Variants in PTPRD observed in about 807,000 individuals in gnomAD.
PTPRD encodes the protein receptor-type tyrosine-protein phosphatase delta.
Under a neutral mutation model 214.5 loss-of-function variants are expected in PTPRD, and 34 were observed. That is an observed-to-expected ratio of 0.16 (90% CI 0.12 to 0.21). The LOEUF (loss-of-function observed/expected upper bound fraction) is 0.21, where lower values mean the gene tolerates loss of function less well. Among genes scored for constraint, PTPRD ranks in the 10% least tolerant of loss-of-function variants. The pLI is 1.00. For missense variants in PTPRD, 2,545 were observed against 2,398.7 expected, an observed-to-expected ratio of 1.06 and a Z score of -1.27; for synonymous variants, 1,128 against 845.7, an observed-to-expected ratio of 1.33 and a Z score of -5.79.
intron 6 of PTPRD, among the ~76,000 whole-genome samples, chr9:9,754,022 G>A (rs903683441): frequency 6.6e-6 from 1 of 151,984 alleles, no homozygotes; most frequent in African/African-American, 2.4e-5. Context: ...TTGTCTGTGT[G>A]TCTTTTTCTT....
At chr9:9,545,742 T>C (rs1409173345) in intron 8 of PTPRD, among the ~76,000 whole-genome samples, 1 of 151,798 alleles carries the variant, frequency 6.6e-6, no homozygotes, top group Non-Finnish European at 1.5e-5. Flanking sequence ...AGTTCGCTGA[T>C]GTCAGTCCTC....
rs1465893234 is a variant in PTPRD, at chr9:8,486,189, T to C, written c.2628A>G (p.Lys876=). The change falls in exon 28 of 46, where the codon AAA becomes AAG. Residue 876 remains lysine, a synonymous_variant. Transcript: ENST00000381196. ...TGTCTGTAGCTGTAAAGTGATCTTC[T>C]TTTTCAGAGAACTCAAGAGTAGTAA... The part of the protein sequence containing the change: ...EPLTTLEFSE[K]EDHFTATDIH... 6.2e-7 allele frequency: 1 copy of C among 1,614,186 alleles called. No individual in the cohort carries two copies. The highest frequency in any genetic ancestry group is 8.5e-7 in the Non-Finnish European group (1 of 1,180,016).
chr9:10,586,348 A>G (rs975120249), intron 2 of PTPRD, among the ~76,000 whole-genome samples: 3 of 152,044 alleles, frequency 2.0e-5, no homozygotes, highest in Non-Finnish European at 4.4e-5. Context: ...AAGAAAGAAT[A>G]CTAAATATAG....
chr9:10,376,767 A>AT (rs1038179467), intron 2 of PTPRD, among the ~76,000 whole-genome samples: 1 of 151,788 alleles, frequency 6.6e-6, no homozygotes, highest in Non-Finnish European at 1.5e-5. Flanking sequence ...TTTTAATTGT[A>AT]TTTTTTGTGG....
chr9:8,646,340 T>C (rs2096690366), intron 12 of PTPRD, among the ~76,000 whole-genome samples: 1 of 152,242 alleles, frequency 6.6e-6, no homozygotes. Context: ...CATCTGTGAC[T>C]ACAGCTCTTT....
At chr9:10,600,891 A>T (rs567551858) in intron 2 of PTPRD, among the ~76,000 whole-genome samples, 30 of 151,934 alleles carry the variant, frequency 2.0e-4, no homozygotes, top group African/African-American at 6.7e-4. Context: ...ATTACAAAAT[A>T]TGAGACAGCC....
chr9:9,155,030 A>C (rs2099880039), intron 10 of PTPRD, among the ~76,000 whole-genome samples: 1 of 152,202 alleles, frequency 6.6e-6, no homozygotes, highest in Non-Finnish European at 1.5e-5. Flanking sequence ...CAATATGATG[A>C]ATGCAGAAAT....
chr9:9,578,649 A>G (rs1463745499), intron 7 of PTPRD, among the ~76,000 whole-genome samples: 2 of 152,124 alleles, frequency 1.3e-5, no homozygotes, highest in Non-Finnish European at 2.9e-5. Context: ...AATAAATAGT[A>G]CTGTAATAGG....
chr9:9,745,137 G>A (rs1180731477), intron 6 of PTPRD, among the ~76,000 whole-genome samples: 3 of 151,890 alleles, frequency 2.0e-5, no homozygotes, highest in African/African-American at 4.8e-5. Flanking sequence ...TAGTTAACCA[G>A]AAGAAAAAAC....
At chr9:10,515,887 C>G (rs548666342) in intron 2 of PTPRD, among the ~76,000 whole-genome samples, 189 of 151,978 alleles carry the variant, frequency 1.2e-3, no homozygotes, top group African/African-American at 4.4e-3. Context: ...CAAGGCTCAT[C>G]CATGTTGTCA....
intron 2 of PTPRD, among the ~76,000 whole-genome samples, chr9:10,387,820 CTT>C (rs58959929): frequency 0.04 from 3,327 of 82,494 alleles, 26 homozygotes; most frequent in East Asian, 0.071. Context: ...AAGATTTTGT[CTT>C]TTTTTTTTTT....
At chr9:10,515,393 T>C (rs2049720735) in intron 2 of PTPRD, among the ~76,000 whole-genome samples, 1 of 147,536 alleles carries the variant, frequency 6.8e-6, no homozygotes, top group East Asian at 2.0e-4. Context: ...ACTTGGTCTT[T>C]TATTACCATA....
intron 7 of PTPRD, among the ~76,000 whole-genome samples, chr9:9,712,289 C>A (rs2097752256): frequency 1.3e-5 from 2 of 151,998 alleles, no homozygotes; most frequent in African/African-American, 4.8e-5. Flanking sequence ...ACCATAAGCA[C>A]AAAGAAATAA....
intron 14 of PTPRD, among the ~76,000 whole-genome samples, chr9:8,572,398 G>C (rs1169011755): frequency 6.6e-6 from 1 of 151,992 alleles, no homozygotes; most frequent in African/African-American, 2.4e-5. Context: ...TTTAACATGA[G>C]TGCAGTGACA....
intron 3 of PTPRD, among the ~76,000 whole-genome samples, chr9:10,216,760 C>T (rs143922492): frequency 4.6e-5 from 7 of 151,978 alleles, no homozygotes; most frequent in African/African-American, 1.7e-4. Flanking sequence ...TGGTTTATTT[C>T]CTGAATCCCG....
chr9:10,171,765 C>A (rs1223635890), intron 3 of PTPRD, among the ~76,000 whole-genome samples: 3 of 152,098 alleles, frequency 2.0e-5, no homozygotes, highest in Non-Finnish European at 2.9e-5. Context: ...CCTTGTGATC[C>A]ACCCGCCGTG....
At chr9:9,983,383 A>G (rs941252204) in intron 4 of PTPRD, among the ~76,000 whole-genome samples, 1 of 152,238 alleles carries the variant, frequency 6.6e-6, no homozygotes, top group Non-Finnish European at 1.5e-5. Flanking sequence ...AATACACTAT[A>G]GTAAAATGTC....
At chr9:9,498,182 T>C (rs1202041606) in intron 8 of PTPRD, among the ~76,000 whole-genome samples, 1 of 152,124 alleles carries the variant, frequency 6.6e-6, no homozygotes, top group African/African-American at 2.4e-5. Context: ...GGCACAGTTG[T>C]AGGATTTTGA....
At chr9:9,561,175 C>A (rs897573694) in intron 8 of PTPRD, among the ~76,000 whole-genome samples, 1 of 152,132 alleles carries the variant, frequency 6.6e-6, no homozygotes, top group African/African-American at 2.4e-5. Context: ...GAGTTATACG[C>A]CTGCGCTCTA....
Sources: allele counts gnomAD v4.1 joint callset (sites outside exome capture counted in the v4.1 genomes callset), GRCh38; gene constraint gnomAD v4.1.1; transcripts MANE v1.5; gene names NCBI Gene and HGNC (gene_info 2026-07-23, HGNC 2026-07-21).